Variants in PLCZ1 observed in about 807,000 individuals in gnomAD.
The protein encoded by PLCZ1 is 1-phosphatidylinositol 4,5-bisphosphate phosphodiesterase zeta-1.
A neutral mutation model predicts 76.8 loss-of-function variants in PLCZ1; 64 were observed. The ratio of observed to expected loss-of-function variants is 0.83; its 90% CI spans 0.68 to 1.03. PLCZ1 has a LOEUF of 1.03. Ranked by LOEUF, PLCZ1 falls within the 50% of genes least tolerant of loss-of-function variation. The probability of loss-of-function intolerance (pLI) is 0.00; values close to 1 mark genes in which losing one functional copy is unlikely to be tolerated. For synonymous variants in PLCZ1, 248 were observed against 230.8 expected (o/e 1.07, Z -0.68); for missense variants, 751 against 713.7 (o/e 1.05, Z -0.60).
chr12:18,653,295 C>G, the PLCZ1 span, among the ~76,000 whole-genome samples: 1 of 152,092 alleles, frequency 6.6e-6, no homozygotes, highest in Non-Finnish European at 1.5e-5. Flanking sequence ...TTTGATATTA[C>G]ATAGGAAAAA....
chr12:18,683,629 A>G, intron 14 of PLCZ1: 1 of 1,388,242 alleles, frequency 7.2e-7, no homozygotes, highest in Admixed American at 2.1e-5. Context: ...CACATCTCAG[A>G]TGCTGTTAGA....
At chr12:18,664,334 G>A in the PLCZ1 span, among the ~76,000 whole-genome samples, 1 of 152,146 alleles carries the variant, frequency 6.6e-6, no homozygotes, top group African/African-American at 2.4e-5. Flanking sequence ...CATGTTTATA[G>A]CAGCATTGTT....
chr12:18,712,103 A>G (rs1957414327), intron 6 of PLCZ1, among the ~76,000 whole-genome samples: 1 of 152,148 alleles, frequency 6.6e-6, no homozygotes, highest in South Asian at 2.1e-4. Context: ...CAGTTTTAGT[A>G]CGTAGTAAGA....
At chr12:18,711,529 TATA>T (rs71440375) in intron 6 of PLCZ1, among the ~76,000 whole-genome samples, 537 of 142,438 alleles carry the variant, frequency 3.8e-3, no homozygotes, top group Non-Finnish European at 3.9e-3. Flanking sequence ...AAACTTAAAG[TATA>T]ATAATAATAA....
At chr12:18,677,158 A>G in the PLCZ1 span, among the ~76,000 whole-genome samples, 2 of 152,128 alleles carry the variant, frequency 1.3e-5, no homozygotes, top group Non-Finnish European at 2.9e-5. Flanking sequence ...AACACAAGAT[A>G]CTGTCATATT....
chr12:18,711,905 T>G (rs1473011977), intron 6 of PLCZ1, among the ~76,000 whole-genome samples: 1 of 152,166 alleles, frequency 6.6e-6, no homozygotes, highest in Non-Finnish European at 1.5e-5. Context: ...GTTTTTATAT[T>G]AAGATAGAAA....
chr12:18,686,587 G>A (rs1191430333), intron 13 of PLCZ1, among the ~76,000 whole-genome samples: 1 of 151,906 alleles, frequency 6.6e-6, no homozygotes, highest in Non-Finnish European at 1.5e-5. Flanking sequence ...TGCCTTAAAT[G>A]TCCTTGTCCC....
intron 10 of PLCZ1, 48 bp from the exon 11 acceptor site, chr12:18,696,314 A>T: frequency 5.6e-6 from 3 of 540,486 alleles, no homozygotes; most frequent in Non-Finnish European, 9.5e-6. Context: ...AATAAATTTA[A>T]AAAGCCACTA....
intron 5 of PLCZ1, among the ~76,000 whole-genome samples, chr12:18,717,889 G>A (rs547575411): frequency 5.3e-5 from 8 of 152,194 alleles, no homozygotes; most frequent in South Asian, 4.1e-4. Flanking sequence ...ATCGCATTTC[G>A]AATTTTGAAT....
chr12:18,651,571 A>G, the PLCZ1 span, among the ~76,000 whole-genome samples: 1 of 152,174 alleles, frequency 6.6e-6, no homozygotes, highest in Non-Finnish European at 1.5e-5. Context: ...TGTCCTCACC[A>G]TAAAGAACCC....
intron 9 of PLCZ1, 131 bp from the exon 10 acceptor site, chr12:18,700,081 T>C: frequency 1.4e-6 from 1 of 731,790 alleles, no homozygotes; most frequent in Non-Finnish European, 2.3e-6. Context: ...TCAAACACCA[T>C]TTGATTAACT....
At chr12:18,728,623 G>T (rs1958882671) in intron 3 of PLCZ1, among the ~76,000 whole-genome samples, 1 of 152,130 alleles carries the variant, frequency 6.6e-6, no homozygotes, top group Non-Finnish European at 1.5e-5. Flanking sequence ...TGATGTCATA[G>T]AAGTCAGAAC....
At chr12:18,712,104 C>A (rs935582227) in intron 6 of PLCZ1, among the ~76,000 whole-genome samples, 5 of 151,940 alleles carry the variant, frequency 3.3e-5, no homozygotes, top group Non-Finnish European at 7.4e-5. Context: ...AGTTTTAGTA[C>A]GTAGTAAGAA....
At chr12:18,689,500 A>G (rs1189713312) in intron 12 of PLCZ1, among the ~76,000 whole-genome samples, 1 of 152,166 alleles carries the variant, frequency 6.6e-6, no homozygotes, top group Admixed American at 6.5e-5. Context: ...TGTGTGGCCC[A>G]AGATAATTCC....
the PLCZ1 span, among the ~76,000 whole-genome samples, chr12:18,675,509 C>T: frequency 6.6e-6 from 1 of 152,132 alleles, no homozygotes; most frequent in African/African-American, 2.4e-5. Context: ...CTCTGCAATT[C>T]CACCACTAGG....
the PLCZ1 span, among the ~76,000 whole-genome samples, chr12:18,650,090 G>A: frequency 2.6e-5 from 4 of 152,118 alleles, no homozygotes; most frequent in South Asian, 6.2e-4. Context: ...TTCCAGAGAT[G>A]AGTAACAAAC....
chr12:18,670,293 C>G, the PLCZ1 span, among the ~76,000 whole-genome samples: 1 of 151,470 alleles, frequency 6.6e-6, no homozygotes, highest in Non-Finnish European at 1.5e-5. Context: ...CACACATATG[C>G]GCACACACAC....
In PLCZ1 at chr12:18,684,010, A is replaced by G. The variant is rs1442399408; in HGVS notation, c.1741+120T>C. 6.6e-6 allele frequency: 8 copies of G among 1,212,364 alleles called. No individual in the cohort carries two copies. The East Asian group carries it at 1.0e-4, about 15-fold the overall frequency. 75.1% of individuals were successfully genotyped at this position (1,212,364 alleles called of 1,614,324 possible). ...ACAGAGAAAAAATATGTGTCAATAC[A>G]TAAAATTTCCTTTACATCCTACTTT... is the stretch of plus-strand genomic sequence containing the variant. On this transcript the variant is annotated intron_variant, in intron 14 of 14. Transcript: ENST00000266505.
At chr12:18,659,966 T>G in the PLCZ1 span, among the ~76,000 whole-genome samples, 1 of 152,090 alleles carries the variant, frequency 6.6e-6, no homozygotes, top group Non-Finnish European at 1.5e-5. Flanking sequence ...TAAAGAACAC[T>G]GCTAAAGATA....
Sources: gnomAD v4.1 joint callset for allele counts (sites outside exome capture counted in the v4.1 genomes callset) on GRCh38, gnomAD v4.1.1 for gene constraint, MANE v1.5 for transcripts, NCBI Gene and HGNC (gene_info 2026-07-23, HGNC 2026-07-21) for gene names.